The following GRID1 variants were observed in gnomAD, a reference collection of about 807,000 sequenced individuals.
GRID1 encodes glutamate ionotropic receptor delta type subunit 1, also known as glutamate receptor ionotropic, delta-1.
In GRID1, 28 loss-of-function variants were observed where a neutral mutation model predicts 98.0. That is an observed-to-expected ratio of 0.29 (90% confidence interval 0.21 to 0.39). GRID1 has a LOEUF of 0.39. GRID1 is among the 10% of genes least tolerant of loss of function. The pLI is 1.00. For synonymous variants in GRID1, 553 were observed against 538.5 expected (o/e 1.03, Z -0.37); for missense variants, 1,111 against 1,340.5 (o/e 0.83, Z 2.67).
intron 8 of GRID1, among the ~76,000 whole-genome samples, chr10:85,795,333 A>G (rs2132746315): frequency 6.6e-6 from 1 of 152,284 alleles, no homozygotes; most frequent in East Asian, 1.9e-4. Context: ...GCATCTCCCC[A>G]AACATATGAC....
At chr10:86,285,331 T>C (rs1446908471) in intron 2 of GRID1, among the ~76,000 whole-genome samples, 2 of 152,214 alleles carry the variant, frequency 1.3e-5, no homozygotes, top group African/African-American at 4.8e-5. Context: ...AGGATCGCCC[T>C]GCACATGACA....
rs551967106 is a variant in GRID1, at chr10:86,028,560, G to A, written c.726+110259C>T. The stretch of plus-strand genomic sequence containing the variant: ...TATTGGAATCTTTAAATATTCATGT[G>A]CAGATTCACATGGAATAGCTGGGCT... On this transcript the variant is annotated intron_variant, in intron 4 of 15. Coordinates refer to ENST00000327946, the MANE Select transcript of GRID1 (RefSeq NM_017551.3). 2.0e-5 allele frequency among the ~76,000 whole-genome samples: 3 copies of A among 152,288 alleles called. No individual in the cohort carries two copies. In the South Asian group the frequency reaches 6.2e-4, roughly 32 times the overall value.
chr10:85,618,267 T>C (rs1462931095), intron 14 of GRID1, among the ~76,000 whole-genome samples: 3 of 152,120 alleles, frequency 2.0e-5, no homozygotes, highest in African/African-American at 7.2e-5. Flanking sequence ...GAGCGCTGCC[T>C]TGGGGTACAT....
At chr10:86,260,456 C>T (rs1846998811) in intron 2 of GRID1, among the ~76,000 whole-genome samples, 1 of 152,206 alleles carries the variant, frequency 6.6e-6, no homozygotes, top group South Asian at 2.1e-4. Flanking sequence ...AACCATGTGT[C>T]CCACTCTGTC....
rs535779859 is a variant in GRID1, at chr10:86,072,297, A to G, written c.726+66522T>C. Among the ~76,000 whole-genome samples, 5 of 152,280 alleles carry G rather than the reference A, an allele frequency of 3.3e-5. No homozygotes were observed. The South Asian group carries it at 1.0e-3, about 32-fold the overall frequency. The stretch of plus-strand genomic sequence containing the variant: ...ACGAGGATGAAAATGGTAAACTAAG[A>G]TTTATCACTAACCAAGGGCCAGGTG... On this transcript the variant is annotated intron_variant, in intron 4 of 15. Coordinates refer to ENST00000327946, the MANE Select transcript of GRID1 (RefSeq NM_017551.3).
intron 4 of GRID1, among the ~76,000 whole-genome samples, chr10:85,973,934 C>T (rs1360389392): frequency 6.6e-6 from 1 of 152,176 alleles, no homozygotes; most frequent in East Asian, 1.9e-4. Flanking sequence ...TGGCAAACAA[C>T]CACAAAATCT....
At chr10:85,788,624 G>C (rs569346510) in intron 8 of GRID1, among the ~76,000 whole-genome samples, 1 of 152,280 alleles carries the variant, frequency 6.6e-6, no homozygotes, top group Non-Finnish European at 1.5e-5. Flanking sequence ...GTAGAGGTCT[G>C]GGAAGTCTCG....
intron 12 of GRID1, among the ~76,000 whole-genome samples, chr10:85,721,494 T>G (rs80266244): frequency 0.12 from 18,349 of 152,272 alleles, 1,281 homozygotes; most frequent in Middle Eastern, 0.22. Context: ...ATATGTGATA[T>G]TACTCATATG....
chr10:85,781,304 T>C (rs966774079), intron 8 of GRID1, among the ~76,000 whole-genome samples: 1 of 152,214 alleles, frequency 6.6e-6, no homozygotes, highest in Admixed American at 6.5e-5. Context: ...AGTCATAATA[T>C]CATTTGGGGA....
intron 5 of GRID1, among the ~76,000 whole-genome samples, chr10:85,876,850 T>G (rs559375941): frequency 1.4e-4 from 22 of 152,288 alleles, no homozygotes; most frequent in East Asian, 3.9e-4. Context: ...TTCCCTTTCC[T>G]AGTCAAAGAA....
At chr10:85,858,392 G>A (rs141157790) in intron 6 of GRID1, among the ~76,000 whole-genome samples, 32 of 152,218 alleles carry the variant, frequency 2.1e-4, no homozygotes, top group African/African-American at 7.5e-4. Flanking sequence ...CACCCACTGG[G>A]AGCTCACCCC....
At chr10:85,910,401 T>C (rs977408538) in intron 5 of GRID1, among the ~76,000 whole-genome samples, 17 of 151,968 alleles carry the variant, frequency 1.1e-4, no homozygotes, top group Admixed American at 3.9e-4. Flanking sequence ...ATAATCTTAT[T>C]TTCATTTGTT....
chr10:85,838,850 C>G (rs899831053), intron 8 of GRID1, among the ~76,000 whole-genome samples: 12 of 152,010 alleles, frequency 7.9e-5, no homozygotes, highest in African/African-American at 2.9e-4. Context: ...GCACAAGTGG[C>G]AAGCTGGATA....
chr10:85,676,677 G>T (rs554751486), intron 12 of GRID1, among the ~76,000 whole-genome samples: 1 of 152,296 alleles, frequency 6.6e-6, no homozygotes, highest in East Asian at 1.9e-4. Flanking sequence ...CTTTCAAGTT[G>T]CAGAAAGCAA....
intron 3 of GRID1, among the ~76,000 whole-genome samples, chr10:86,191,915 C>G (rs550546509): frequency 6.6e-6 from 1 of 152,132 alleles, no homozygotes; most frequent in Non-Finnish European, 1.5e-5. Flanking sequence ...ATCCATCCTG[C>G]GTCGCTGGGA....
chr10:85,812,438 T>C (rs1331192450), intron 8 of GRID1, among the ~76,000 whole-genome samples: 2 of 152,122 alleles, frequency 1.3e-5, no homozygotes, highest in African/African-American at 4.8e-5. Flanking sequence ...TGTACAAAGG[T>C]GACATATATG....
chr10:86,092,148 C>T (rs557073062), intron 4 of GRID1, among the ~76,000 whole-genome samples: 21 of 152,212 alleles, frequency 1.4e-4, no homozygotes, highest in African/African-American at 4.8e-4. Context: ...CCAGATTTAC[C>T]TGAAAAAGAA....
At chr10:85,630,485 A>T (rs1842962921) in intron 13 of GRID1, among the ~76,000 whole-genome samples, 1 of 152,224 alleles carries the variant, frequency 6.6e-6, no homozygotes, top group South Asian at 2.1e-4. Flanking sequence ...GTGCCTTGGA[A>T]TAAATAGCAC....
intron 5 of GRID1, among the ~76,000 whole-genome samples, chr10:85,878,800 G>A (rs1186269862): frequency 2.0e-5 from 3 of 151,046 alleles, no homozygotes; most frequent in Non-Finnish European, 4.5e-5. Context: ...TGGACTAAAT[G>A]CTCCAATTAA....
Sources: gnomAD v4.1 joint callset for allele counts (sites outside exome capture counted in the v4.1 genomes callset) on GRCh38, gnomAD v4.1.1 for gene constraint, MANE v1.5 for transcripts, NCBI Gene and HGNC (gene_info 2026-07-23, HGNC 2026-07-21) for gene names.